ADAMTS6: variants seen among roughly 807,000 people sequenced by gnomAD.
ADAMTS6 encodes ADAM metallopeptidase with thrombospondin type 1 motif 6.
Under a neutral mutation model 144.3 loss-of-function variants are expected in ADAMTS6, and 23 were observed. The observed-to-expected ratio is 0.16, with a 90% CI of 0.11 to 0.23. The LOEUF (loss-of-function observed/expected upper bound fraction) is 0.23. Ranked by LOEUF, ADAMTS6 falls within the 10% of genes least tolerant of loss-of-function variation. The pLI, the probability that ADAMTS6 is intolerant of heterozygous loss-of-function variation, is 1.00. For synonymous variants in ADAMTS6, 444 were observed against 457.5 expected, an observed-to-expected ratio of 0.97 and a Z score of 0.38; for missense variants, 999 against 1,379.6, an observed-to-expected ratio of 0.72 and a Z score of 4.37.
intron 2 of ADAMTS6, among the ~76,000 whole-genome samples, chr5:65,472,111 C>A (rs961995465): frequency 1.3e-5 from 2 of 152,116 alleles, no homozygotes; most frequent in African/African-American, 4.8e-5. Context: ...CATGAATGAA[C>A]CTTCAGAACA....
At chr5:65,395,231 C>T (rs537963657) in intron 7 of ADAMTS6, among the ~76,000 whole-genome samples, 1 of 152,242 alleles carries the variant, frequency 6.6e-6, no homozygotes, top group African/African-American at 2.4e-5. Flanking sequence ...CACTATTTTG[C>T]TTTTTAAATA....
chr5:65,238,853 C>T (rs1758909682), intron 15 of ADAMTS6, among the ~76,000 whole-genome samples: 2 of 152,156 alleles, frequency 1.3e-5, no homozygotes, highest in African/African-American at 2.4e-5. Context: ...GTTTAATACT[C>T]AGTTTTTCCC....
chr5:65,353,910 T>C (rs1415515689), intron 7 of ADAMTS6, among the ~76,000 whole-genome samples: 1 of 151,966 alleles, frequency 6.6e-6, no homozygotes, highest in East Asian at 1.9e-4. Flanking sequence ...AAGCCTTTTC[T>C]TCAAATAGAT....
intron 7 of ADAMTS6, among the ~76,000 whole-genome samples, chr5:65,411,604 G>A (rs1021674678): frequency 1.3e-5 from 2 of 152,112 alleles, no homozygotes; most frequent in Admixed American, 6.6e-5. Flanking sequence ...TATGAGTGAC[G>A]TGGGAGTTTG....
intron 9 of ADAMTS6, among the ~76,000 whole-genome samples, chr5:65,309,419 G>A (rs999487113): frequency 7.3e-6 from 1 of 136,310 alleles, no homozygotes; most frequent in Non-Finnish European, 1.5e-5. Context: ...CTGTTGATCT[G>A]ACAGGAGGTG....
chr5:65,186,546 T>C (rs1393921845), intron 22 of ADAMTS6, among the ~76,000 whole-genome samples: 1 of 152,184 alleles, frequency 6.6e-6, no homozygotes, highest in Non-Finnish European at 1.5e-5. Context: ...CTCATACCAA[T>C]GAATATTTAT....
chr5:65,336,356 A>G (rs10037169), intron 7 of ADAMTS6, among the ~76,000 whole-genome samples: 207 of 152,240 alleles, frequency 1.4e-3, no homozygotes, highest in African/African-American at 4.9e-3. Context: ...TGTCTAATGA[A>G]TGTTAAAAAT....
chr5:65,338,589 T>A (rs1747527896), intron 7 of ADAMTS6, among the ~76,000 whole-genome samples: 1 of 151,406 alleles, frequency 6.6e-6, no homozygotes, highest in South Asian at 2.1e-4. Context: ...GCCTTTTGTC[T>A]GAATCCCAAG....
chr5:65,406,703 A>G (rs533316638), intron 7 of ADAMTS6, among the ~76,000 whole-genome samples: 17 of 152,090 alleles, frequency 1.1e-4, no homozygotes, highest in Non-Finnish European at 2.1e-4. Context: ...GTTGATTGGA[A>G]TAGTGTCAGA....
chr5:65,402,268 CT>C (rs1287336766), intron 7 of ADAMTS6, among the ~76,000 whole-genome samples: 1 of 152,090 alleles, frequency 6.6e-6, no homozygotes, highest in Non-Finnish European at 1.5e-5. Context: ...AATGAACTCA[CT>C]TGCGAAAACA....
chr5:65,236,030 C>A (rs990354001), intron 15 of ADAMTS6, among the ~76,000 whole-genome samples: 1 of 151,996 alleles, frequency 6.6e-6, no homozygotes, highest in African/African-American at 2.4e-5. Context: ...AAGGTATATG[C>A]ACCTAATAAA....
chr5:65,318,193 C>T (rs1436176903), intron 9 of ADAMTS6, among the ~76,000 whole-genome samples: 1 of 152,058 alleles, frequency 6.6e-6, no homozygotes, highest in Non-Finnish European at 1.5e-5. Context: ...CATCTCACCC[C>T]AGTTAAAATG....
chr5:65,252,140 G>A (rs1370905014), intron 14 of ADAMTS6, among the ~76,000 whole-genome samples: 3 of 152,114 alleles, frequency 2.0e-5, no homozygotes, highest in Non-Finnish European at 4.4e-5. Flanking sequence ...CACCAGTGTA[G>A]GGATCCACAT....
intron 7 of ADAMTS6, among the ~76,000 whole-genome samples, chr5:65,346,634 T>C (rs1247957390): frequency 2.0e-5 from 3 of 150,278 alleles, no homozygotes; most frequent in African/African-American, 4.9e-5. Flanking sequence ...GCAGAGCAAT[T>C]AGGCAAAAAA....
rs375128376 is a variant in ADAMTS6, at chr5:65,284,955, T to C, written c.1512+6374A>G. 2.4e-4 allele frequency among the ~76,000 whole-genome samples: 37 copies of C among 152,236 alleles called. No homozygotes were observed. The East Asian group carries it at 3.5e-3, about 14-fold the overall frequency. On this transcript the variant is annotated intron_variant, in intron 11 of 24. Transcript: ENST00000381055. ...CCTCTAGTATAAAAAGAATAAATTC[T>C]ATATTTACCTATAAAAGTAAGGACA...
In ADAMTS6 at chr5:65,272,610, C is replaced by T. The variant is rs190051547; in HGVS notation, c.1620+730G>A. Among the ~76,000 whole-genome samples, 295 of 152,230 alleles carry T rather than the reference C, an allele frequency of 1.9e-3. 2 individuals are homozygous for T. Among genetic ancestry groups the T allele is most frequent in the African/African-American group, 6.8e-3 (283 of 41,552 alleles). ...TATTATTTTTCTACTAGTCCCTTCTCTCATACTGCAATCTAAAAGTGACTT... is the reference window on the plus strand; with the variant it reads ...TATTATTTTTCTACTAGTCCCTTCTTTCATACTGCAATCTAAAAGTGACTT... On this transcript the variant is annotated intron_variant, in intron 12 of 24. Coordinates refer to ENST00000381055, the MANE Select transcript of ADAMTS6 (RefSeq NM_197941.4).
intron 13 of ADAMTS6, among the ~76,000 whole-genome samples, chr5:65,262,139 G>A (rs1761253317): frequency 6.6e-6 from 1 of 152,246 alleles, no homozygotes; most frequent in Middle Eastern, 3.4e-3. Flanking sequence ...ATGGAGCACT[G>A]GTAGGAGGGA....
Position 65,329,424 on chromosome 5 carries a change from T to C in ADAMTS6, c.1177A>G (p.Ile393Val). 5 of 1,612,918 alleles carry C rather than the reference T, an allele frequency of 3.1e-6. No individual in the cohort carries two copies. Among genetic ancestry groups the C allele is most frequent in the Non-Finnish European group, 4.2e-6 (5 of 1,179,316 alleles). The change falls in exon 9 of 25, where the codon ATT (isoleucine) becomes GTT (valine). Residue 393 changes from isoleucine (I) to valine (V), a missense_variant. By Grantham distance (29) the Ile-to-Val change is conservative. Around this residue, in one of 3 missense-constraint regions of ADAMTS6, gnomAD observed 128 missense variants for 249.0 expected, o/e 0.51. Coordinates refer to ENST00000381055, the MANE Select transcript of ADAMTS6 (RefSeq NM_197941.4). The part of the protein sequence containing the change: ...PERSCSINED[I>V]GLGSAFTIAH... The stretch of plus-strand genomic sequence containing the variant: ...ATGGTAAAAGCTGAACCCAGGCCAA[T>C]GTCTTCATTAATGCTGCAGCTCCTT...
intron 9 of ADAMTS6, among the ~76,000 whole-genome samples, chr5:65,304,853 A>G (rs552224819): frequency 4.6e-5 from 7 of 152,328 alleles, no homozygotes; most frequent in Non-Finnish European, 1.0e-4. Flanking sequence ...AAGTCTGAAG[A>G]ATTATTCCAG....
Sources: gnomAD v4.1 joint callset for allele counts (sites outside exome capture counted in the v4.1 genomes callset) on GRCh38, gnomAD v4.1.1 for gene constraint, gnomAD v4.1.1 regional missense constraint, MANE v1.5 for transcripts, NCBI Gene and HGNC (gene_info 2026-07-23, HGNC 2026-07-21) for gene names.